MYO9A: variants seen among roughly 807,000 people sequenced by gnomAD.
MYO9A encodes myosin IXA, also known as unconventional myosin-IXa.
Under a neutral mutation model 293.3 loss-of-function variants are expected in MYO9A, and 103 were observed. That is an observed-to-expected ratio of 0.35 (90% confidence interval 0.30 to 0.41). The LOEUF is 0.41. Ranked by LOEUF, MYO9A falls within the 10% of genes least tolerant of loss-of-function variation. MYO9A has a pLI of 1.00. For missense variants in MYO9A, 2,685 were observed against 3,033.0 expected (o/e 0.89, Z 2.69); for synonymous variants, 1,001 against 1,035.7 (o/e 0.97, Z 0.64).
At chr15:71,909,216 C>A (rs1159447923) in intron 19 of MYO9A, among the ~76,000 whole-genome samples, 1 of 152,194 alleles carries the variant, frequency 6.6e-6, no homozygotes, top group Non-Finnish European at 1.5e-5. Context: ...CTATAAATAT[C>A]TGTGTACAGG....
intron 3 of MYO9A, among the ~76,000 whole-genome samples, chr15:72,031,471 G>C (rs375114726): frequency 6.6e-6 from 1 of 152,080 alleles, no homozygotes; most frequent in African/African-American, 2.4e-5. Flanking sequence ...GGGCAACTGA[G>C]TGAGACCCTT....
chr15:71,948,091 C>T (rs1203032731), intron 15 of MYO9A, among the ~76,000 whole-genome samples: 2 of 152,198 alleles, frequency 1.3e-5, no homozygotes, highest in Non-Finnish European at 2.9e-5. Context: ...TTGAAGGTCA[C>T]ACACTGTAAC....
intron 15 of MYO9A, among the ~76,000 whole-genome samples, chr15:71,945,259 C>T (rs998875291): frequency 6.6e-6 from 1 of 152,184 alleles, no homozygotes; most frequent in Non-Finnish European, 1.5e-5. Flanking sequence ...AGGTCACTCA[C>T]ATAGTTGGTG....
intron 1 of MYO9A, among the ~76,000 whole-genome samples, chr15:72,076,423 A>G (rs2150278256): frequency 6.6e-6 from 1 of 152,130 alleles, no homozygotes; most frequent in Non-Finnish European, 1.5e-5. Flanking sequence ...AAAAGATACA[A>G]GGTCAATCTA....
At chr15:71,908,737 T>C (rs1190004786) in intron 19 of MYO9A, among the ~76,000 whole-genome samples, 1 of 152,224 alleles carries the variant, frequency 6.6e-6, no homozygotes, top group Non-Finnish European at 1.5e-5. Context: ...TAGTGTGTTA[T>C]ATGTGATGAA....
At chr15:72,010,250 C>A in intron 7 of MYO9A, 100 bp downstream of exon 7, 1 of 859,796 alleles carries the variant, frequency 1.2e-6, no homozygotes, top group Non-Finnish European at 1.8e-6. Context: ...ATGAAGAATA[C>A]CACTTAGAAA....
chr15:71,863,031 T>A (rs2056200949), intron 32 of MYO9A, among the ~76,000 whole-genome samples: 2 of 151,322 alleles, frequency 1.3e-5, no homozygotes, highest in African/African-American at 4.9e-5. Flanking sequence ...GTTCAGGCAA[T>A]TCTCCTGCTT....
At chr15:71,991,505 A>G (rs1356832060) in intron 10 of MYO9A, among the ~76,000 whole-genome samples, 1 of 152,230 alleles carries the variant, frequency 6.6e-6, no homozygotes, top group Non-Finnish European at 1.5e-5. Context: ...GTGGCCTTTT[A>G]TCTTAAGAAA....
intron 37 of MYO9A, among the ~76,000 whole-genome samples, chr15:71,850,532 ATGTGGG>A (rs1203486632): frequency 6.6e-6 from 1 of 152,094 alleles, no homozygotes; most frequent in Non-Finnish European, 1.5e-5. Context: ...TGGGAGGCCA[ATGTGGG>A]CAGATTACTT....
At chr15:72,002,265 T>A (rs1014576726) in intron 8 of MYO9A, among the ~76,000 whole-genome samples, 3 of 151,382 alleles carry the variant, frequency 2.0e-5, no homozygotes, top group East Asian at 1.9e-4. Context: ...TTTTTTTTTT[T>A]AGACAGAGTT....
At chr15:71,848,479 C>A (rs189704188) in intron 39 of MYO9A, among the ~76,000 whole-genome samples, 1 of 151,674 alleles carries the variant, frequency 6.6e-6, no homozygotes, top group Non-Finnish European at 1.5e-5. Context: ...GGCAGGACCA[C>A]CAAAAGTGAC....
chr15:72,049,576 C>T (rs1353393266), intron 1 of MYO9A, among the ~76,000 whole-genome samples: 1 of 152,190 alleles, frequency 6.6e-6, no homozygotes, highest in Admixed American at 6.5e-5. Context: ...GAAACTGGGC[C>T]GCACAGCAGA....
chr15:71,877,020 G>A (rs957697795), intron 31 of MYO9A, among the ~76,000 whole-genome samples: 1 of 152,198 alleles, frequency 6.6e-6, no homozygotes, highest in Non-Finnish European at 1.5e-5. Flanking sequence ...TCAAAAATGG[G>A]ATTGAAGAGG....
At chr15:72,042,277 A>C (rs1341286686) in intron 2 of MYO9A, among the ~76,000 whole-genome samples, 1 of 151,934 alleles carries the variant, frequency 6.6e-6, no homozygotes, top group Non-Finnish European at 1.5e-5. Flanking sequence ...AAGCAGGAGA[A>C]CCATTGAAGC....
At chr15:72,040,703 T>C (rs2078202521) in intron 2 of MYO9A, among the ~76,000 whole-genome samples, 1 of 152,158 alleles carries the variant, frequency 6.6e-6, no homozygotes, top group Non-Finnish European at 1.5e-5. Context: ...AACCCGGTAT[T>C]TTCTACAACA....
intron 1 of MYO9A, among the ~76,000 whole-genome samples, chr15:72,064,965 A>G (rs2078976650): frequency 6.6e-6 from 1 of 152,216 alleles, no homozygotes; most frequent in African/African-American, 2.4e-5. Flanking sequence ...ACTTAGTACA[A>G]AGCCACAAAA....
intron 18 of MYO9A, among the ~76,000 whole-genome samples, chr15:71,917,459 C>T (rs1465834231): frequency 2.0e-5 from 3 of 152,070 alleles, no homozygotes; most frequent in East Asian, 1.9e-4. Context: ...TGCTTGAACC[C>T]GGGAGGCAGA....
At chr15:71,931,198 T>C (rs2058465258) in intron 18 of MYO9A, among the ~76,000 whole-genome samples, 1 of 152,210 alleles carries the variant, frequency 6.6e-6, no homozygotes, top group African/African-American at 2.4e-5. Flanking sequence ...TGGTACTAAT[T>C]ATCACTGTCC....
intron 24 of MYO9A, 144 bp downstream of exon 24, chr15:71,899,543 G>T (rs1284065142): frequency 1.5e-6 from 1 of 684,254 alleles, no homozygotes; most frequent in Admixed American, 3.0e-5. Flanking sequence ...TACAATGTGG[G>T]TTAAAATCGG....
Sources: gnomAD v4.1 joint callset for allele counts (sites outside exome capture counted in the v4.1 genomes callset) on GRCh38, gnomAD v4.1.1 for gene constraint, MANE v1.5 for transcripts, NCBI Gene and HGNC (gene_info 2026-07-23, HGNC 2026-07-21) for gene names.